EXT1: variants seen among roughly 807,000 people sequenced by gnomAD.
EXT1 encodes the protein exostosin glycosyltransferase 1, also known as exostosin-1.
Under a neutral mutation model 82.5 loss-of-function variants are expected in EXT1, and 20 were observed. The ratio of observed to expected loss-of-function variants is 0.24; its 90% confidence interval spans 0.17 to 0.35. The LOEUF is 0.35. Among genes scored for constraint, EXT1 ranks in the 10% least tolerant of loss-of-function variants. The pLI is 1.00. For missense variants in EXT1, 757 were observed against 936.5 expected (o/e 0.81, Z 2.50); for synonymous variants, 348 against 350.8 (o/e 0.99, Z 0.09).
intron 1 of EXT1, among the ~76,000 whole-genome samples, chr8:117,989,204 C>T (rs1815384425): frequency 1.3e-5 from 2 of 152,082 alleles, no homozygotes; most frequent in South Asian, 4.1e-4. Flanking sequence ...TAGCAAGTCC[C>T]ATTGGCTCTA....
intron 1 of EXT1, among the ~76,000 whole-genome samples, chr8:117,875,419 TC>T (rs2129905638): frequency 8.9e-6 from 1 of 111,974 alleles, no homozygotes; most frequent in African/African-American, 3.7e-5. Flanking sequence ...AAACTACCTC[TC>T]TAAATAAATA....
At chr8:117,926,261 C>T (rs1023671706) in intron 1 of EXT1, among the ~76,000 whole-genome samples, 5 of 152,218 alleles carry the variant, frequency 3.3e-5, no homozygotes, top group Non-Finnish European at 7.3e-5. Flanking sequence ...TTCCTCTCCT[C>T]TTGTATTCAA....
intron 1 of EXT1, among the ~76,000 whole-genome samples, chr8:118,037,474 G>A (rs1424191997): frequency 2.7e-5 from 4 of 150,742 alleles, no homozygotes; most frequent in African/African-American, 7.4e-5. Flanking sequence ...GTCTCCCAAA[G>A]TTCTGGGATT....
intron 1 of EXT1, among the ~76,000 whole-genome samples, chr8:117,943,852 T>C (rs985580653): frequency 3.3e-5 from 5 of 152,196 alleles, no homozygotes; most frequent in African/African-American, 4.8e-5. Context: ...CTCATTCTTC[T>C]AGTGTCATTC....
intron 1 of EXT1, among the ~76,000 whole-genome samples, chr8:117,916,364 A>G (rs1317514841): frequency 6.6e-6 from 1 of 152,156 alleles, no homozygotes; most frequent in African/African-American, 2.4e-5. Context: ...GGCCCAGAGC[A>G]CCAGCGCAGA....
chr8:117,937,109 T>G (rs1240658604), intron 1 of EXT1, among the ~76,000 whole-genome samples: 1 of 152,154 alleles, frequency 6.6e-6, no homozygotes, highest in East Asian at 1.9e-4. Flanking sequence ...ACACACCATT[T>G]AGCTCCTTCA....
At chr8:117,829,974 T>A (rs1301446522) in intron 4 of EXT1, among the ~76,000 whole-genome samples, 2 of 152,200 alleles carry the variant, frequency 1.3e-5, no homozygotes, top group Non-Finnish European at 2.9e-5. Flanking sequence ...TGAAATGATG[T>A]AAGACAGAGT....
chr8:117,841,957 T>A (rs1812281830), intron 1 of EXT1, among the ~76,000 whole-genome samples: 1 of 152,160 alleles, frequency 6.6e-6, no homozygotes, highest in African/African-American at 2.4e-5. Flanking sequence ...GTTCTTCCAA[T>A]CAGTGGCAAC....
intron 1 of EXT1, among the ~76,000 whole-genome samples, chr8:117,984,755 G>A (rs544202975): frequency 1.3e-5 from 2 of 152,306 alleles, no homozygotes; most frequent in East Asian, 3.9e-4. Flanking sequence ...AATAACTAGA[G>A]GAAGGAGTGG....
chr8:118,002,643 TG>T (rs1815696481), intron 1 of EXT1, among the ~76,000 whole-genome samples: 1 of 148,644 alleles, frequency 6.7e-6, no homozygotes, highest in African/African-American at 2.5e-5. Context: ...CCCATTCTCC[TG>T]CCTGAGCCTC....
intron 1 of EXT1, among the ~76,000 whole-genome samples, chr8:118,055,066 C>A (rs531327069): frequency 1.9e-4 from 29 of 152,212 alleles, no homozygotes; most frequent in Non-Finnish European, 3.2e-4. Flanking sequence ...TGCATATGCA[C>A]TCATGCATCC....
chr8:117,873,612 C>T (rs1205878574), intron 1 of EXT1, among the ~76,000 whole-genome samples: 6 of 151,952 alleles, frequency 3.9e-5, no homozygotes, highest in African/African-American at 1.5e-4. Flanking sequence ...CATGCCACCA[C>T]GCCTGGCTAA....
At chr8:117,980,172 A>C (rs1046909074) in intron 1 of EXT1, among the ~76,000 whole-genome samples, 3 of 151,082 alleles carry the variant, frequency 2.0e-5, no homozygotes, top group Non-Finnish European at 4.4e-5. Flanking sequence ...GACTAATCAA[A>C]GCATCTCACA....
chr8:118,087,026 C>A (rs927384811), intron 1 of EXT1, among the ~76,000 whole-genome samples: 3 of 152,170 alleles, frequency 2.0e-5, no homozygotes, highest in Non-Finnish European at 4.4e-5. Context: ...GATTCTGTTA[C>A]TGCTTCTTTT....
chr8:117,887,192 A>T (rs765791413), intron 1 of EXT1, among the ~76,000 whole-genome samples: 22 of 152,276 alleles, frequency 1.4e-4, no homozygotes, highest in South Asian at 1.0e-3. Flanking sequence ...ATTTTCTAAG[A>T]TATCTATTGG....
intron 1 of EXT1, among the ~76,000 whole-genome samples, chr8:118,095,553 T>C (rs145972331): frequency 6.6e-6 from 1 of 152,322 alleles, no homozygotes; most frequent in African/African-American, 2.4e-5. Flanking sequence ...TAAAGACACA[T>C]GTAGCATATA....
In EXT1 at chr8:118,009,926, A is replaced by G. The variant is rs17476387; in HGVS notation, c.962+100159T>C. On this transcript the variant is annotated intron_variant, in intron 1 of 10. Coordinates refer to ENST00000378204, the MANE Select transcript of EXT1 (RefSeq NM_000127.3). The stretch of plus-strand genomic sequence containing the variant: ...GGACCAAATGCGTATTTAGTGCAAA[A>G]CAAGGAGGTCTTCAACTGCTGAGGG... Among the ~76,000 whole-genome samples the G allele has an allele frequency of 6.7e-3, 1,020 of 152,262 alleles. 13 individuals carry two copies. Among genetic ancestry groups the G allele is most frequent in the African/African-American group, 0.024 (979 of 41,556 alleles).
intron 7 of EXT1, among the ~76,000 whole-genome samples, chr8:117,814,144 A>G (rs1458948690): frequency 1.3e-5 from 2 of 152,040 alleles, no homozygotes; most frequent in Non-Finnish European, 2.9e-5. Flanking sequence ...CATATGATCC[A>G]TGGATTTAGA....
chr8:117,912,284 C>T (rs1185339404), intron 1 of EXT1, among the ~76,000 whole-genome samples: 1 of 152,158 alleles, frequency 6.6e-6, no homozygotes, highest in African/African-American at 2.4e-5. Flanking sequence ...TAGAGATTGC[C>T]TCAACAATTT....
Sources: gnomAD v4.1 joint callset for allele counts (sites outside exome capture counted in the v4.1 genomes callset) on GRCh38, gnomAD v4.1.1 for gene constraint, MANE v1.5 for transcripts, NCBI Gene and HGNC (gene_info 2026-07-23, HGNC 2026-07-21) for gene names.